KCNK2: variants seen among roughly 807,000 people sequenced by gnomAD.
The protein encoded by KCNK2 is potassium two pore domain channel subfamily K member 2.
Under a neutral mutation model 40.5 loss-of-function variants are expected in KCNK2, and 21 were observed. The ratio of observed to expected loss-of-function variants is 0.52; its 90% CI spans 0.37 to 0.75. The LOEUF is 0.75. Among genes scored for constraint, KCNK2 ranks in the 30% least tolerant of loss-of-function variants. The probability of loss-of-function intolerance (pLI) is 0.00; values close to 1 mark genes in which losing one functional copy is unlikely to be tolerated. For missense variants in KCNK2, 399 were observed against 531.6 expected, an observed-to-expected ratio of 0.75 and a Z score of 2.45; for synonymous variants, 191 against 202.2, an observed-to-expected ratio of 0.94 and a Z score of 0.47.
chr1:215,058,426 G>A (rs183342108), intron 1 of KCNK2, among the ~76,000 whole-genome samples: 7 of 152,220 alleles, frequency 4.6e-5, no homozygotes, highest in Admixed American at 2.0e-4. Flanking sequence ...CAGAGAATTC[G>A]TGATTCCTCT....
At chr1:215,234,303 C>A (rs1195770708) in intron 6 of KCNK2, among the ~76,000 whole-genome samples, 1 of 152,136 alleles carries the variant, frequency 6.6e-6, no homozygotes, top group Non-Finnish European at 1.5e-5. Flanking sequence ...CTTGCACACA[C>A]CTTTTCTGAT....
chr1:215,175,476 A>G (rs915027108), intron 5 of KCNK2, among the ~76,000 whole-genome samples: 2 of 151,162 alleles, frequency 1.3e-5, no homozygotes, highest in African/African-American at 4.8e-5. Flanking sequence ...TTAAGCACAT[A>G]TTTTGATTTT....
chr1:215,067,815 G>A (rs559089190), intron 1 of KCNK2, among the ~76,000 whole-genome samples: 4 of 152,160 alleles, frequency 2.6e-5, no homozygotes, highest in African/African-American at 7.2e-5. Flanking sequence ...GCAGTGAGCC[G>A]ACACGGTGCC....
intron 2 of KCNK2, among the ~76,000 whole-genome samples, chr1:215,097,119 G>A (rs1397274783): frequency 1.3e-5 from 2 of 151,848 alleles, no homozygotes; most frequent in Admixed American, 1.3e-4. Flanking sequence ...ATCTATACCT[G>A]CAGGTACTAA....
intron 6 of KCNK2, among the ~76,000 whole-genome samples, chr1:215,209,392 T>TTA (rs1299595999): frequency 3.1e-5 from 2 of 64,182 alleles, no homozygotes; most frequent in African/African-American, 1.3e-4. Flanking sequence ...AATATATATA[T>TTA]TATATATAAA....
intron 1 of KCNK2, among the ~76,000 whole-genome samples, chr1:215,034,321 C>T (rs1657308342): frequency 6.6e-6 from 1 of 150,450 alleles, no homozygotes; most frequent in Admixed American, 6.7e-5. Context: ...TTTATACTCT[C>T]CCCAGCTGAT....
chr1:215,148,080 C>CTTTTT lies in KCNK2; in HGVS notation c.476-21105_476-21101dup, dbSNP rs756218432. ...ATTATTATTTTTTTATTTTCTTTTC[C>CTTTTT]TTTTTTTTTTTTTTTTTTGGCAGGG... is the stretch of plus-strand genomic sequence containing the variant. On this transcript the variant is annotated intron_variant, in intron 3 of 6. Coordinates refer to ENST00000444842, the MANE Select transcript of KCNK2 (RefSeq NM_001017425.3). 7.4e-4 allele frequency among the ~76,000 whole-genome samples: 82 copies of CTTTTT among 111,080 alleles called. 7 individuals are homozygous for CTTTTT. The highest frequency in any genetic ancestry group is 1.6e-3 in the East Asian group (7 of 4,244). 72.9% of individuals were successfully genotyped at this position (111,080 alleles called of 152,430 possible).
intron 1 of KCNK2, among the ~76,000 whole-genome samples, chr1:215,013,146 A>C (rs1167517657): frequency 6.6e-6 from 1 of 152,062 alleles, no homozygotes; most frequent in Non-Finnish European, 1.5e-5. Flanking sequence ...ATTCACTTCA[A>C]GTTAATTTTG....
chr1:215,188,839 A>T (rs1664554595), intron 5 of KCNK2, among the ~76,000 whole-genome samples: 1 of 152,124 alleles, frequency 6.6e-6, no homozygotes, highest in Admixed American at 6.6e-5. Context: ...CTTTGTTTGG[A>T]AAAGGAGGGT....
chr1:215,131,419 A>G (rs1043272794), intron 3 of KCNK2, among the ~76,000 whole-genome samples: 23 of 147,010 alleles, frequency 1.6e-4, no homozygotes, highest in African/African-American at 5.2e-4. Flanking sequence ...TATATTTTAT[A>G]TAATTATATT....
chr1:215,056,315 A>AAG (rs1186589941), intron 1 of KCNK2, among the ~76,000 whole-genome samples: 1 of 150,318 alleles, frequency 6.7e-6, no homozygotes, highest in Non-Finnish European at 1.5e-5. Context: ...TCTCAAAAAA[A>AAG]AAAAAAAAGG....
intron 1 of KCNK2, among the ~76,000 whole-genome samples, chr1:215,032,603 T>A (rs764705771): frequency 8.5e-5 from 13 of 152,272 alleles, no homozygotes; most frequent in Non-Finnish European, 1.5e-4. Flanking sequence ...TTTTTGTTTG[T>A]CAGAAAAATA....
intron 1 of KCNK2, among the ~76,000 whole-genome samples, chr1:215,066,402 A>G (rs1658544884): frequency 6.6e-6 from 1 of 152,214 alleles, no homozygotes; most frequent in South Asian, 2.1e-4. Flanking sequence ...TATTTTGGCT[A>G]CTGAACGTAA....
chr1:215,086,159 G>A (rs1659425717), intron 1 of KCNK2, among the ~76,000 whole-genome samples: 1 of 152,050 alleles, frequency 6.6e-6, no homozygotes, highest in Non-Finnish European at 1.5e-5. Context: ...AACTCCAATA[G>A]CAGCAGAGAG....
intron 1 of KCNK2, among the ~76,000 whole-genome samples, chr1:215,024,603 C>T (rs1656930273): frequency 6.6e-6 from 1 of 152,062 alleles, no homozygotes; most frequent in Non-Finnish European, 1.5e-5. Context: ...AAAATCTTAC[C>T]TATATACTGA....
rs981284148 is a variant in KCNK2 at position 215,046,195 on chromosome 1, C to T, written c.35-40173C>T. Among the ~76,000 whole-genome samples, 6 of 152,096 alleles carry T rather than the reference C, an allele frequency of 3.9e-5. No individual in the cohort carries two copies. In the South Asian group the frequency reaches 8.3e-4, roughly 21 times the overall value. ...CTGGAGTGAATAGAAATATCTGTTA[C>T]CAGATGGTTTTGATTTGGAAAATAT... is the stretch of plus-strand genomic sequence containing the variant. On this transcript the variant is annotated intron_variant, in intron 1 of 6. Transcript: ENST00000391895.
At chr1:215,053,830 A>C (rs1441768166) in intron 1 of KCNK2, among the ~76,000 whole-genome samples, 1 of 152,120 alleles carries the variant, frequency 6.6e-6, no homozygotes, top group Non-Finnish European at 1.5e-5. Context: ...AGCCGGGCAT[A>C]GTGATGCATG....
intron 6 of KCNK2, 32 bp downstream of exon 6, chr1:215,195,124 A>T (rs767283042): frequency 1.4e-6 from 2 of 1,478,266 alleles, no homozygotes; most frequent in African/African-American, 2.8e-5. Flanking sequence ...AAAAACTTCT[A>T]TTTAGTTAAT....
At chr1:215,211,780 T>C (rs1665754367) in intron 6 of KCNK2, among the ~76,000 whole-genome samples, 1 of 152,118 alleles carries the variant, frequency 6.6e-6, no homozygotes, top group African/African-American at 2.4e-5. Context: ...TTCATGCTTA[T>C]TTTCAATATT....
Sources: allele counts gnomAD v4.1 joint callset (sites outside exome capture counted in the v4.1 genomes callset), GRCh38; gene constraint gnomAD v4.1.1; transcripts MANE v1.5; gene names NCBI Gene and HGNC (gene_info 2026-07-23, HGNC 2026-07-21).